Variants in CNBD1 observed in about 807,000 individuals in gnomAD.
CNBD1 encodes the protein cyclic nucleotide-binding domain-containing protein 1.
Under a neutral mutation model 54.4 loss-of-function variants are expected in CNBD1, and 71 were observed. That is an observed-to-expected ratio of 1.30 (90% confidence interval 1.08 to 1.59). The LOEUF (loss-of-function observed/expected upper bound fraction) is 1.59. Among genes scored for constraint, CNBD1 ranks in the 40% most tolerant of loss-of-function variants. The pLI is 0.00. For missense variants in CNBD1, 659 were observed against 518.0 expected (o/e 1.27, Z -2.64); for synonymous variants, 182 against 170.7 (o/e 1.07, Z -0.51).
chr8:87,315,985 T>A lies in CNBD1; in HGVS notation c.1042+29314T>A, dbSNP rs1428879255. Among the ~76,000 whole-genome samples, 3 of 152,140 alleles carry A rather than the reference T, an allele frequency of 2.0e-5. No individual in the cohort carries two copies. The East Asian group carries it at 5.8e-4, about 29-fold the overall frequency. Reference sequence around the variant, plus strand: ...GATGTGCCCCATGAATATATACAATTATTGTGTATTAATAAAAAATTTAAA... The same window carrying A: ...GATGTGCCCCATGAATATATACAATAATTGTGTATTAATAAAAAATTTAAA... On this transcript the variant is annotated intron_variant, in intron 8 of 10. Coordinates refer to ENST00000518476, the MANE Select transcript of CNBD1 (RefSeq NM_173538.3).
rs115749399 is a variant in CNBD1 at position 87,230,753 on chromosome 8, G to T, written c.578-6166G>T. On this transcript the variant is annotated intron_variant, in intron 5 of 10. Transcript: ENST00000518476. ...CATGTTTGGTATATATGAATAACAG[G>T]AATAGCTGTTTCTAGATTTAAGAAA... 2.0e-3 allele frequency among the ~76,000 whole-genome samples: 302 copies of T among 152,226 alleles called. 1 individual carries two copies. Among genetic ancestry groups the T allele is most frequent in the African/African-American group, 6.7e-3 (278 of 41,528 alleles).
At chr8:87,109,600 T>C (rs1811615810) in intron 4 of CNBD1, among the ~76,000 whole-genome samples, 1 of 150,086 alleles carries the variant, frequency 6.7e-6, no homozygotes, top group South Asian at 2.1e-4. Flanking sequence ...GTAAAATGGC[T>C]TGATCTTGGC....
At chr8:87,018,088 G>A (rs7843153) in intron 4 of CNBD1, among the ~76,000 whole-genome samples, 105,012 of 151,860 alleles carry the variant, frequency 0.69, 37,469 homozygotes, top group African/African-American at 0.87. Context: ...TACTGAAAAT[G>A]CAAAATTAGC....
At chr8:87,268,816 A>G (rs922298335) in intron 6 of CNBD1, among the ~76,000 whole-genome samples, 1 of 151,966 alleles carries the variant, frequency 6.6e-6, no homozygotes, top group Admixed American at 6.6e-5. Flanking sequence ...TAGGTTCTGG[A>G]TATTAGATCT....
intron 8 of CNBD1, among the ~76,000 whole-genome samples, chr8:87,343,760 A>G (rs1480911999): frequency 1.3e-5 from 2 of 152,144 alleles, no homozygotes; most frequent in Non-Finnish European, 2.9e-5. Flanking sequence ...AATATATTCT[A>G]TGGGTTTTCA....
In CNBD1 at chr8:87,351,794, G is replaced by A. The variant is rs1005929135; in HGVS notation, c.1152G>A (p.Val384=). 10 of 1,481,796 alleles carry A rather than the reference G, an allele frequency of 6.7e-6. No homozygotes were observed. Among genetic ancestry groups the A allele is most frequent in the Non-Finnish European group, 8.9e-6 (10 of 1,120,708 alleles). 91.8% of individuals were successfully genotyped at this position (1,481,796 alleles called of 1,614,324 possible). The change falls in exon 9 of 11, where the codon GTG becomes GTA. Residue 384 remains valine (V), a splice_region_variant and synonymous_variant. Transcript: ENST00000518476. ...TTGTGAAACTACGATCAAATAAAGT[G>A]GTAAGTTTTCAACATGTATTCTTTT... The part of the protein sequence containing the change: ...IGFVKLRSNK[V]KRSQKLVYMG...
chr8:87,168,572 C>T (rs1813017324), intron 4 of CNBD1, among the ~76,000 whole-genome samples: 1 of 151,972 alleles, frequency 6.6e-6, no homozygotes, highest in Non-Finnish European at 1.5e-5. Flanking sequence ...TTCCCCACCC[C>T]CGACTCCCTC....
At position 87,264,695 on chromosome 8, in the gene CNBD1, C is replaced by T. The variant is rs566532358; in HGVS notation, c.772-19983C>T. 2.6e-5 allele frequency among the ~76,000 whole-genome samples: 4 copies of T among 152,234 alleles called. 1 individual carries two copies. Among genetic ancestry groups the T allele is most frequent in the Admixed American group, 2.6e-4 (4 of 15,286 alleles). On this transcript the variant is annotated intron_variant, in intron 6 of 10. Coordinates refer to ENST00000518476, the MANE Select transcript of CNBD1 (RefSeq NM_173538.3). ...GACTTTTTAGTGATCGCCATTCTAA[C>T]TGGTGTGAGATGATATCTCATTGTG...
chr8:86,939,838 A>G (rs1809620280), intron 4 of CNBD1, 84 bp downstream of exon 4: 1 of 900,044 alleles, frequency 1.1e-6, no homozygotes, highest in South Asian at 1.9e-5. Context: ...GTTTGTGGGT[A>G]AGTGTACTTT....
At chr8:87,212,761 A>G (rs1290022986) in intron 5 of CNBD1, among the ~76,000 whole-genome samples, 1 of 152,184 alleles carries the variant, frequency 6.6e-6, no homozygotes, top group Non-Finnish European at 1.5e-5. Context: ...TTTTAGAAGA[A>G]AAACTTAAGA....
chr8:87,208,956 G>T (rs1336651131), intron 5 of CNBD1, among the ~76,000 whole-genome samples: 4 of 151,886 alleles, frequency 2.6e-5, no homozygotes, highest in Non-Finnish European at 5.9e-5. Flanking sequence ...ATTTTCTGTT[G>T]TGGTTTATAT....
At chr8:87,366,263 T>G (rs1810640237) in intron 10 of CNBD1, among the ~76,000 whole-genome samples, 1 of 152,056 alleles carries the variant, frequency 6.6e-6, no homozygotes, top group South Asian at 2.1e-4. Context: ...GTGATCTAAT[T>G]TTAGGGCTGT....
At chr8:86,959,409 G>C (rs1807870095) in intron 4 of CNBD1, among the ~76,000 whole-genome samples, 1 of 152,140 alleles carries the variant, frequency 6.6e-6, no homozygotes. Context: ...TTGCTAGGTT[G>C]AGGAAGTTCT....
chr8:87,349,072 A>G (rs944911767), intron 8 of CNBD1, among the ~76,000 whole-genome samples: 2 of 152,198 alleles, frequency 1.3e-5, no homozygotes, highest in Non-Finnish European at 2.9e-5. Flanking sequence ...ATAAATGAAT[A>G]TGACCTTGAG....
chr8:87,412,086 A>G (rs1217900257), intron 2 of CNBD1, among the ~76,000 whole-genome samples: 1 of 152,046 alleles, frequency 6.6e-6, no homozygotes, highest in Non-Finnish European at 1.5e-5. Context: ...CAGATTTATA[A>G]TGCTAAAGTG....
chr8:87,163,636 A>G lies in CNBD1; in HGVS notation c.432-42357A>G, dbSNP rs1812902947. Among the ~76,000 whole-genome samples, 1 of 151,798 alleles carries G rather than the reference A, an allele frequency of 6.6e-6. No individual in the cohort carries two copies. Among genetic ancestry groups the G allele is most frequent in the Non-Finnish European group, 1.5e-5 (1 of 67,900 alleles). ...ATATTTTGTTAGTGTATGAAAATGCAACTGATATTTGTAGGTTGATTTTGT... is the reference window on the plus strand; with the variant it reads ...ATATTTTGTTAGTGTATGAAAATGCGACTGATATTTGTAGGTTGATTTTGT... On this transcript the variant is annotated intron_variant, in intron 4 of 10. Coordinates refer to ENST00000518476, the MANE Select transcript of CNBD1 (RefSeq NM_173538.3). The surrounding 1 kb of genome is among the most constrained non-coding windows in gnomAD (Gnocchi z 4.5).
intron 6 of CNBD1, among the ~76,000 whole-genome samples, chr8:87,240,759 C>T (rs1807680499): frequency 6.6e-6 from 1 of 152,078 alleles, no homozygotes; most frequent in Non-Finnish European, 1.5e-5. Flanking sequence ...GATTGGATGT[C>T]CAAATATAGG....
chr8:87,302,232 A>G (rs570401087), intron 8 of CNBD1, among the ~76,000 whole-genome samples: 43 of 152,312 alleles, frequency 2.8e-4, no homozygotes, highest in African/African-American at 9.9e-4. Context: ...CGAAGCAAAA[A>G]TCCTCAATAA....
chr8:87,419,199 A>T (rs1807884895), intron 2 of CNBD1, among the ~76,000 whole-genome samples: 1 of 151,986 alleles, frequency 6.6e-6, no homozygotes, highest in Non-Finnish European at 1.5e-5. Flanking sequence ...AAAGCTACAT[A>T]TTGTACGACT....
Sources: allele counts gnomAD v4.1 joint callset (sites outside exome capture counted in the v4.1 genomes callset), GRCh38; gene constraint gnomAD v4.1.1; non-coding constraint Gnocchi (gnomAD v3.1); transcripts MANE v1.5; gene names NCBI Gene and HGNC (gene_info 2026-07-23, HGNC 2026-07-21).